Variants in TET3 observed in about 807,000 individuals in gnomAD.
The protein encoded by TET3 is tet methylcytosine dioxygenase 3.
In TET3, 19 loss-of-function variants were observed where a neutral mutation model predicts 141.4. The ratio of observed to expected loss-of-function variants is 0.13; its 90% confidence interval spans 0.09 to 0.20. TET3 has a LOEUF of 0.20. Among genes scored for constraint, TET3 ranks in the 10% least tolerant of loss-of-function variants. The pLI, the probability that TET3 is intolerant of heterozygous loss-of-function variation, is 1.00. For synonymous variants in TET3, 1,043 were observed against 980.9 expected (o/e 1.06, Z -1.18); for missense variants, 1,874 against 2,356.9 (o/e 0.80, Z 4.24).
chr2:74,071,264 C>A (rs987076366), intron 4 of TET3, among the ~76,000 whole-genome samples: 2 of 152,180 alleles, frequency 1.3e-5, no homozygotes, highest in Non-Finnish European at 2.9e-5. Flanking sequence ...CAAATGCTAT[C>A]CCATTGGGGA....
chr2:74,066,983 A>T (rs10168410), intron 4 of TET3, among the ~76,000 whole-genome samples: 44,049 of 151,994 alleles, frequency 0.29, 6,712 homozygotes, highest in African/African-American at 0.35. Flanking sequence ...AGAGCCCAGA[A>T]GTTCTGGCAT....
chr2:74,032,917 G>T (rs915195925), intron 3 of TET3, among the ~76,000 whole-genome samples: 1 of 151,816 alleles, frequency 6.6e-6, no homozygotes, highest in East Asian at 1.9e-4. Flanking sequence ...TAATGGGTGG[G>T]AGTTTCAGGC....
chr2:73,990,514 C>A (rs1684270902), intron 2 of TET3, among the ~76,000 whole-genome samples: 1 of 151,936 alleles, frequency 6.6e-6, no homozygotes, highest in South Asian at 2.1e-4. Context: ...TGGTCCTAGG[C>A]CTGACTGAAA....
chr2:73,991,762 G>A (rs990415927), intron 2 of TET3, among the ~76,000 whole-genome samples: 90 of 134,538 alleles, frequency 6.7e-4, no homozygotes, highest in Non-Finnish European at 1.0e-3. Flanking sequence ...CTGAAATTGC[G>A]CCATTGCACT....
the TET3 span, among the ~76,000 whole-genome samples, chr2:74,113,383 C>CA: frequency 2.3e-4 from 35 of 150,272 alleles, no homozygotes; most frequent in East Asian, 5.8e-4. Flanking sequence ...GAGACTCCGT[C>CA]AAAAAAAAAG....
At chr2:74,035,144 G>A (rs1258315462) in intron 3 of TET3, among the ~76,000 whole-genome samples, 1 of 147,562 alleles carries the variant, frequency 6.8e-6, no homozygotes, top group African/African-American at 2.5e-5. Flanking sequence ...GGAGCTTGCA[G>A]TGAGCCAAGA....
At chr2:74,019,244 G>A (rs1310366686) in intron 3 of TET3, among the ~76,000 whole-genome samples, 1 of 152,222 alleles carries the variant, frequency 6.6e-6, no homozygotes, top group East Asian at 1.9e-4. Context: ...GCGACAGAAG[G>A]AGACTCTGTC....
intron 3 of TET3, among the ~76,000 whole-genome samples, chr2:74,030,210 ACATCT>A: frequency 6.6e-6 from 1 of 152,224 alleles, no homozygotes; most frequent in Non-Finnish European, 1.5e-5. Context: ...TCAGTGAGTG[ACATCT>A]CATAATTCTG....
chr2:74,036,381 T>C (rs1457449888), intron 3 of TET3, among the ~76,000 whole-genome samples: 2 of 152,242 alleles, frequency 1.3e-5, no homozygotes, highest in African/African-American at 4.8e-5. Context: ...GTTTATTCCC[T>C]TTTCATGAAG....
At chr2:74,058,901 C>T (rs535353038) in intron 4 of TET3, among the ~76,000 whole-genome samples, 1 of 152,286 alleles carries the variant, frequency 6.6e-6, no homozygotes, top group South Asian at 2.1e-4. Flanking sequence ...CATTTCACGA[C>T]TCATGAAAAT....
chr2:74,026,561 CTT>C (rs1686373440), intron 3 of TET3, among the ~76,000 whole-genome samples: 1 of 152,120 alleles, frequency 6.6e-6, no homozygotes, highest in Admixed American at 6.5e-5. Context: ...GTTAGGTTAT[CTT>C]TTAGTAGCAG....
chr2:74,078,250 A>G (rs1286530668), intron 5 of TET3, among the ~76,000 whole-genome samples: 1 of 152,232 alleles, frequency 6.6e-6, no homozygotes, highest in African/African-American at 2.4e-5. Flanking sequence ...CAAAAATGAA[A>G]CAAAGGCTTT....
chr2:74,104,513 G>A lies in TET3; in HGVS notation c.*2337G>A, dbSNP rs1056933635. The A allele has an allele frequency of 6.6e-6, 1 of 152,144 alleles. No homozygotes were observed. Among genetic ancestry groups the A allele is most frequent in the African/African-American group, 2.4e-5 (1 of 41,416 alleles). The allele number at this position is 152,144 out of a possible 1,614,324, so 9.4% of individuals were successfully genotyped here. A position where few individuals can be genotyped will look rare whatever the true frequency, so the allele number is the denominator to read the frequency against. On this transcript the variant is annotated 3_prime_UTR_variant, in exon 12 of 12. Coordinates refer to ENST00000409262, the MANE Select transcript of TET3 (RefSeq NM_001287491.2). ...TGACTCCGTGCTTAGGTAGATGCGG[G>A]GGTGCCTTGAAAACTTCATTTTAAA...
intron 8 of TET3, among the ~76,000 whole-genome samples, chr2:74,090,527 C>G (rs936808740): frequency 6.6e-6 from 1 of 152,216 alleles, no homozygotes; most frequent in Middle Eastern, 3.2e-3. Context: ...CATCCGGGCC[C>G]TTGCAGTCTC....
the TET3 span, among the ~76,000 whole-genome samples, chr2:74,119,094 G>A: frequency 1.3e-5 from 2 of 152,092 alleles, no homozygotes; most frequent in Admixed American, 6.5e-5. Context: ...GGTGGCTCAC[G>A]CCTGTAATCC....
chr2:74,012,162 T>C lies in TET3; in HGVS notation c.360+8996T>C, dbSNP rs566677312. ...TTTTTGTAGAGACAGGGTTTTACCA[T>C]GTTGCCCAGGCTGGTCTCAAACTCC... On this transcript the variant is annotated intron_variant, in intron 3 of 11. Coordinates refer to ENST00000409262, the MANE Select transcript of TET3 (RefSeq NM_001287491.2). Among the ~76,000 whole-genome samples, 8 of 152,258 alleles carry C rather than the reference T, an allele frequency of 5.3e-5. No homozygotes were observed. In the East Asian group the frequency reaches 1.6e-3, roughly 30 times the overall value.
intron 4 of TET3, among the ~76,000 whole-genome samples, chr2:74,071,866 A>G (rs1387349919): frequency 6.6e-6 from 1 of 152,122 alleles, no homozygotes; most frequent in Non-Finnish European, 1.5e-5. Context: ...GTTTTCTTTC[A>G]CTTAGAAAAA....
At chr2:74,043,138 C>T (rs1687431586) in intron 3 of TET3, among the ~76,000 whole-genome samples, 1 of 152,204 alleles carries the variant, frequency 6.6e-6, no homozygotes, top group Non-Finnish European at 1.5e-5. Context: ...GGTGTTTCTT[C>T]TTGGTTATGC....
At position 74,099,533 on chromosome 2, in the gene TET3, G is replaced by A; in HGVS notation, c.3525G>A (p.Lys1175=). The A allele has an allele frequency of 1.2e-6, 2 of 1,612,016 alleles. No individual in the cohort carries two copies. ...EARKAAAEKK[K]IQKEKLSTPE... ...GAAAGGCAGCAGCCGAGAAGAAGAA[G>A]ATTCAGAAGGAGAAGCTGAGCACTC... The change falls in exon 11 of 12, where the codon AAG becomes AAA. Residue 1175 remains lysine, a synonymous_variant. Transcript: ENST00000409262.
Sources: allele counts gnomAD v4.1 joint callset (sites outside exome capture counted in the v4.1 genomes callset), GRCh38; gene constraint gnomAD v4.1.1; transcripts MANE v1.5; gene names NCBI Gene and HGNC (gene_info 2026-07-23, HGNC 2026-07-21).